Variants in SNX15 observed in about 807,000 individuals in gnomAD.
SNX15 encodes sorting nexin 15, also known as sorting nexin-15.
A neutral mutation model predicts 35.2 loss-of-function variants in SNX15; 29 were observed. The observed-to-expected ratio is 0.82, with a 90% confidence interval of 0.61 to 1.12. The LOEUF is 1.12. Ranked by LOEUF, SNX15 falls within the 50% of genes most tolerant of loss-of-function variation. The probability of loss-of-function intolerance (pLI) is 0.00; values close to 1 mark genes in which losing one functional copy is unlikely to be tolerated. For missense variants in SNX15, 400 were observed against 451.5 expected, an observed-to-expected ratio of 0.89 and a Z score of 1.03; for synonymous variants, 189 against 188.2, an observed-to-expected ratio of 1.00 and a Z score of -0.03.
Position 65,035,159 on chromosome 11 carries a change from A to G in SNX15, c.473A>G (p.Gln158Arg), listed in dbSNP as rs1327504479. The change falls in exon 5 of 8, where the codon CAA becomes CGA. Residue 158 changes from glutamine to arginine, a missense_variant. Coordinates refer to ENST00000377244, the MANE Select transcript of SNX15 (RefSeq NM_013306.5). ...CCCCCTGATGACCCCCGGCTATCCCAACTGCTCCCTGCAGAAAGGAGGGGC... is the reference window on the plus strand; with the variant it reads ...CCCCCTGATGACCCCCGGCTATCCCGACTGCTCCCTGCAGAAAGGAGGGGC... ...TPPPDDPRLS[Q>R]LLPAERRGLE... 3 of 1,501,166 alleles carry G rather than the reference A, an allele frequency of 2.0e-6. No individual in the cohort carries two copies. The allele number at this position is 1,501,166 out of a possible 1,614,324, so 93.0% of individuals were successfully genotyped here. A position where few individuals can be genotyped will look rare whatever the true frequency, so the allele number is the denominator to read the frequency against.
intron 1 of SNX15, among the ~76,000 whole-genome samples, chr11:65,029,160 GTTGTT>G (rs970145356): frequency 5.9e-5 from 9 of 151,842 alleles, no homozygotes; most frequent in Admixed American, 5.9e-4. Flanking sequence ...TTTTTGTGTC[GTTGTT>G]TTGTTTTGTT....
intron 1 of SNX15, 24 bp from the exon 2 acceptor site, chr11:65,032,144 C>G (rs752533200): frequency 1.1e-5 from 17 of 1,613,722 alleles, no homozygotes; most frequent in Non-Finnish European, 1.3e-5. Context: ...CTGGTCTCAA[C>G]CAGCTCTTGC....
chr11:65,029,648 C>T (rs913386217), intron 1 of SNX15, among the ~76,000 whole-genome samples: 1 of 151,192 alleles, frequency 6.6e-6, no homozygotes, highest in African/African-American at 2.4e-5. Context: ...GTGATCTCAG[C>T]TCACTGTAGC....
At chr11:65,035,689 G>C (rs776595593) in intron 6 of SNX15, 26 bp downstream of exon 6, 2 of 1,582,166 alleles carry the variant, frequency 1.3e-6, no homozygotes, top group East Asian at 4.5e-5. Context: ...AGCCGGGAAG[G>C]AGCCAGGGCA....
chr11:65,030,128 G>A (rs534457887), intron 1 of SNX15, among the ~76,000 whole-genome samples: 45 of 152,102 alleles, frequency 3.0e-4, no homozygotes, highest in African/African-American at 8.2e-4. Flanking sequence ...AGGCCAAGGC[G>A]GGTGGATCAT....
intron 1 of SNX15, among the ~76,000 whole-genome samples, chr11:65,027,956 C>T (rs1946393814): frequency 6.6e-6 from 1 of 152,170 alleles, no homozygotes; most frequent in South Asian, 2.1e-4. Context: ...TGGTTTAATC[C>T]AAATATTAGT....
At chr11:65,029,453 G>A (rs1590737198) in intron 1 of SNX15, among the ~76,000 whole-genome samples, 1 of 151,042 alleles carries the variant, frequency 6.6e-6, no homozygotes, top group East Asian at 1.9e-4. Flanking sequence ...ACCACACCCG[G>A]CCTCCCATTG....
At position 65,032,493 on chromosome 11, in the gene SNX15, C is replaced by T. The variant is rs563443437; in HGVS notation, c.198C>T (p.His66=). ...TGCATGGAGACCTGGCCTACACCCA[C>T]CGCAACCTCTTCCGCCGCCTCGAGG... is the stretch of plus-strand genomic sequence containing the variant. ...RKLHGDLAYT[H]RNLFRRLEEF... Residue 66 remains histidine (H), a synonymous_variant, in exon 3 of 8, where the codon CAC becomes CAT. Transcript: ENST00000377244. 2.5e-5 allele frequency: 41 copies of T among 1,614,216 alleles called. No homozygotes were observed. The South Asian group carries it at 3.5e-4, about 14-fold the overall frequency.
At position 65,039,741 on chromosome 11, in the gene SNX15, G is replaced by A. The variant is rs146335404; in HGVS notation, c.978G>A (p.Leu326=). ...EGVKKKAAEY[L]KRAEEILRLH... ...TGAAGAAGAAGGCAGCTGAGTACCT[G>A]AAGCGGGCAGAGGAGATCCTGCGCC... The change falls in exon 8 of 8, where the codon CTG becomes CTA. Residue 326 remains leucine, a synonymous_variant. Transcript: ENST00000377244. 241 of 1,613,610 alleles carry A rather than the reference G, an allele frequency of 1.5e-4. No homozygotes were observed. The highest frequency in any genetic ancestry group is 2.0e-4 in the Non-Finnish European group (233 of 1,179,880).
Position 65,027,588 on chromosome 11 carries a change from C to T in SNX15, c.51C>T (p.Asp17=). ...DDFLRHYTVS[D]PRTHPKGYTE... is the part of the protein sequence containing the mutation. ...TCCTGCGGCACTACACAGTGTCGGA[C>T]CCCAGGACTCACCCCAAGGGCTACA... The change falls in exon 1 of 8, where the codon GAC becomes GAT. Residue 17 remains aspartate (D), a synonymous_variant. Transcript: ENST00000377244. The T allele has an allele frequency of 3.1e-6, 5 of 1,614,082 alleles. No homozygotes were observed. Among genetic ancestry groups the T allele is most frequent in the Non-Finnish European group, 4.2e-6 (5 of 1,180,002 alleles).
chr11:65,032,212 C>T lies in SNX15; in HGVS notation c.135+9C>T, dbSNP rs61893600. The T allele has an allele frequency of 1.1e-3, 1,767 of 1,613,712 alleles. 1 individual carries two copies. Among genetic ancestry groups the T allele is most frequent in the Non-Finnish European group, 1.4e-3 (1,631 of 1,179,612 alleles). On this transcript the variant is annotated intron_variant, in intron 2 of 7. Coordinates refer to ENST00000377244, the MANE Select transcript of SNX15 (RefSeq NM_013306.5). ...CAGAGGATGTCAAAGAGGTGAGGCT[C>T]CTGGGAGGAAGAGGGACTGTTCTGC...
chr11:65,033,308 G>T (rs1014734876), intron 3 of SNX15, among the ~76,000 whole-genome samples: 1 of 152,044 alleles, frequency 6.6e-6, no homozygotes, highest in African/African-American at 2.4e-5. Context: ...ACTTTGGGAG[G>T]CCGAGGCAAG....
intron 3 of SNX15, 118 bp from the exon 4 acceptor site, chr11:65,034,729 G>T (rs1946478702): frequency 1.4e-6 from 1 of 706,776 alleles, no homozygotes; most frequent in African/African-American, 1.8e-5. Flanking sequence ...GGGAGAATGG[G>T]TAGGAGGGCA....
At chr11:65,029,960 T>C (rs1264212461) in intron 1 of SNX15, among the ~76,000 whole-genome samples, 1 of 152,124 alleles carries the variant, frequency 6.6e-6, no homozygotes, top group Non-Finnish European at 1.5e-5. Flanking sequence ...GATTCACGTC[T>C]TACTGCAGCC....
Position 65,035,623 on chromosome 11 carries a change from C to A in SNX15, c.624C>A (p.Thr208=), listed in dbSNP as rs781664410. ...ASGSPARGPL[T]EAELALFDPF... is the part of the protein sequence containing the mutation. ...GTTCCCCTGCCCGAGGCCCCCTCAC[C>A]GAGGCTGAGCTTGCCCTCTTCGACC... Residue 208 remains threonine, a synonymous_variant, in exon 6 of 8, where the codon ACC becomes ACA. Coordinates refer to ENST00000377244, the MANE Select transcript of SNX15 (RefSeq NM_013306.5). 6.2e-7 allele frequency: 1 copy of A among 1,613,586 alleles called. No homozygotes were observed. Among genetic ancestry groups the A allele is most frequent in the Admixed American group, 1.7e-5 (1 of 59,906 alleles).
chr11:65,039,591 A>G, intron 7 of SNX15, 95 bp from the exon 8 acceptor site: 2 of 698,016 alleles, frequency 2.9e-6, no homozygotes, highest in South Asian at 3.5e-5. Flanking sequence ...GGAAAAGCAC[A>G]TGGTGATGCT....
In SNX15 at chr11:65,038,644, A is replaced by G. The variant is rs758345772; in HGVS notation, c.737A>G (p.Gln246Arg). 4 of 1,612,836 alleles carry G rather than the reference A, an allele frequency of 2.5e-6. No individual in the cohort carries two copies. The South Asian group carries it at 3.3e-5, about 13-fold the overall frequency. The change falls in exon 7 of 8, where the codon CAG becomes CGG. Residue 246 changes from glutamine (Q) to arginine (R), a missense_variant. Coordinates refer to ENST00000377244, the MANE Select transcript of SNX15 (RefSeq NM_013306.5). ...GAGGTGGAGTCTGCAAGGCTGGACC[A>G]GGAACCCTGGGAGCCAGGAGGGCAG... ...TMEVESARLDQEPWEPGGQEE... is the reference protein window; with the variant it reads ...TMEVESARLDREPWEPGGQEE...
chr11:65,039,029 CTTTT>C (rs747153458), intron 7 of SNX15, among the ~76,000 whole-genome samples, 200 bp downstream of exon 7: 24 of 72,508 alleles, frequency 3.3e-4, no homozygotes, highest in Non-Finnish European at 5.3e-4. Context: ...TCTTCTTCCT[CTTTT>C]TTTTTTTTTT....
chr11:65,034,796 C>A (rs746862857), intron 3 of SNX15, 51 bp from the exon 4 acceptor site: 1 of 1,465,078 alleles, frequency 6.8e-7, no homozygotes, highest in Non-Finnish European at 9.5e-7. Context: ...GGGGCAGAAG[C>A]CCCTGTGGGT....
Sources: allele counts gnomAD v4.1 joint callset (sites outside exome capture counted in the v4.1 genomes callset), GRCh38; gene constraint gnomAD v4.1.1; transcripts MANE v1.5; gene names NCBI Gene and HGNC (gene_info 2026-07-23, HGNC 2026-07-21).